Variants in CHSY3 observed in about 807,000 individuals in gnomAD.
CHSY3 encodes the protein N-acetylgalactosaminyl-proteoglycan 3-beta-glucuronosyltransferase 3.
Under a neutral mutation model 67.2 loss-of-function variants are expected in CHSY3, and 35 were observed. The ratio of observed to expected loss-of-function variants is 0.52; its 90% CI spans 0.40 to 0.69. The LOEUF is 0.69. Among genes scored for constraint, CHSY3 ranks in the 30% least tolerant of loss-of-function variants. The probability of loss-of-function intolerance (pLI) is 0.00; values close to 1 mark genes in which losing one functional copy is unlikely to be tolerated. For missense variants in CHSY3, 1,069 were observed against 1,138.5 expected, an observed-to-expected ratio of 0.94 and a Z score of 0.88; for synonymous variants, 474 against 434.7, an observed-to-expected ratio of 1.09 and a Z score of -1.12.
Position 130,126,679 on chromosome 5 carries a change from C to G in CHSY3, c.1087-57550C>G, listed in dbSNP as rs141657507. Among the ~76,000 whole-genome samples the G allele has an allele frequency of 5.9e-5, 9 of 152,312 alleles. No individual in the cohort carries two copies. The East Asian group carries it at 1.7e-3, about 29-fold the overall frequency. The stretch of plus-strand genomic sequence containing the variant: ...TATGTTTTTCTCTAGTAGACTAAAT[C>G]TTGAATGGTCGAATCATTCTCATTT... On this transcript the variant is annotated intron_variant, in intron 2 of 2. Transcript: ENST00000305031.
At chr5:129,925,885 G>A (rs1022190724) in intron 2 of CHSY3, among the ~76,000 whole-genome samples, 2 of 112,566 alleles carry the variant, frequency 1.8e-5, no homozygotes, top group South Asian at 2.9e-4. Flanking sequence ...TAATGTGTGT[G>A]TATATATGTG....
At chr5:130,047,938 A>G (rs1251713649) in intron 2 of CHSY3, among the ~76,000 whole-genome samples, 1 of 147,578 alleles carries the variant, frequency 6.8e-6, no homozygotes, top group Non-Finnish European at 1.5e-5. Context: ...TCTTAGGAGT[A>G]TCAACCTTTT....
At chr5:130,057,291 T>A (rs957552258) in intron 2 of CHSY3, among the ~76,000 whole-genome samples, 4 of 152,160 alleles carry the variant, frequency 2.6e-5, no homozygotes, top group African/African-American at 9.6e-5. Flanking sequence ...TATTGGACTA[T>A]ATAAAGTGAA....
intron 2 of CHSY3, among the ~76,000 whole-genome samples, chr5:130,014,530 G>A (rs981609236): frequency 6.6e-6 from 1 of 152,136 alleles, no homozygotes; most frequent in African/African-American, 2.4e-5. Context: ...ATAACCATCA[G>A]ATCTTGTGAG....
At chr5:130,059,274 C>T (rs563512530) in intron 2 of CHSY3, among the ~76,000 whole-genome samples, 1 of 152,092 alleles carries the variant, frequency 6.6e-6, no homozygotes, top group Non-Finnish European at 1.5e-5. Context: ...AGGACTGCAA[C>T]ATCAACTTTT....
At chr5:129,993,744 C>T (rs1330547270) in intron 2 of CHSY3, among the ~76,000 whole-genome samples, 1 of 151,954 alleles carries the variant, frequency 6.6e-6, no homozygotes, top group Non-Finnish European at 1.5e-5. Flanking sequence ...TGAATTTGAT[C>T]CTGTCATTAT....
At chr5:130,051,038 T>TATTTGATA (rs773020920) in intron 2 of CHSY3, among the ~76,000 whole-genome samples, 2 of 152,162 alleles carry the variant, frequency 1.3e-5, no homozygotes, top group Non-Finnish European at 2.9e-5. Context: ...TTAAAAGCTA[T>TATTTGATA]AAAGTATTAT....
intron 2 of CHSY3, among the ~76,000 whole-genome samples, chr5:130,125,528 A>G (rs546688820): frequency 4.6e-5 from 7 of 152,212 alleles, no homozygotes; most frequent in Non-Finnish European, 1.0e-4. Context: ...TCACTGGAGA[A>G]CAAGAGTAAG....
At chr5:130,150,575 C>T (rs1375604086) in intron 2 of CHSY3, among the ~76,000 whole-genome samples, 3 of 152,010 alleles carry the variant, frequency 2.0e-5, no homozygotes, top group African/African-American at 7.3e-5. Flanking sequence ...TGAATATATA[C>T]TATTGATAAA....
intron 2 of CHSY3, among the ~76,000 whole-genome samples, chr5:129,978,128 A>C (rs1030207125): frequency 6.6e-6 from 1 of 152,142 alleles, no homozygotes; most frequent in African/African-American, 2.4e-5. Flanking sequence ...ATGTTAACAT[A>C]ATTTATTTTT....
chr5:129,981,050 CAAAAAA>C (rs71000945), intron 2 of CHSY3, among the ~76,000 whole-genome samples: 48 of 130,918 alleles, frequency 3.7e-4, no homozygotes, highest in South Asian at 1.0e-3. Flanking sequence ...ACTGAAAATA[CAAAAAA>C]AAAAAAAAAA....
chr5:129,937,420 G>A (rs1486398986), intron 2 of CHSY3, among the ~76,000 whole-genome samples: 2 of 152,032 alleles, frequency 1.3e-5, no homozygotes, highest in African/African-American at 4.8e-5. Context: ...TCCAACACTG[G>A]AAATTACAAT....
chr5:130,124,023 G>C (rs1297854562), intron 2 of CHSY3, among the ~76,000 whole-genome samples: 2 of 100,280 alleles, frequency 2.0e-5, no homozygotes, highest in African/African-American at 4.1e-5. Flanking sequence ...CTGGGTGACA[G>C]AGCAAGACTC....
chr5:130,104,961 T>C (rs1028637615), intron 2 of CHSY3, among the ~76,000 whole-genome samples: 4 of 151,760 alleles, frequency 2.6e-5, no homozygotes, highest in Admixed American at 6.6e-5. Flanking sequence ...TGACCTTATA[T>C]GCTTGGAGAC....
intron 2 of CHSY3, among the ~76,000 whole-genome samples, chr5:129,921,364 A>T (rs191005599): frequency 4.6e-5 from 7 of 152,360 alleles, no homozygotes; most frequent in Admixed American, 2.0e-4. Context: ...AGTGACCACC[A>T]GGCAGGTAGC....
At chr5:130,153,690 C>A (rs1212786369) in intron 2 of CHSY3, among the ~76,000 whole-genome samples, 1 of 152,158 alleles carries the variant, frequency 6.6e-6, no homozygotes, top group African/African-American at 2.4e-5. Flanking sequence ...GTGGAGCCCC[C>A]ATTGTGAGCA....
At chr5:129,910,094 A>AT (rs1760482086) in intron 2 of CHSY3, among the ~76,000 whole-genome samples, 1 of 152,136 alleles carries the variant, frequency 6.6e-6, no homozygotes, top group African/African-American at 2.4e-5. Flanking sequence ...TATTTTATTT[A>AT]TAATATAGGC....
intron 2 of CHSY3, among the ~76,000 whole-genome samples, chr5:130,094,861 C>T (rs1021092786): frequency 6.6e-6 from 1 of 151,982 alleles, no homozygotes; most frequent in Admixed American, 6.6e-5. Context: ...ATAAAAGGAA[C>T]TGTATATATG....
At chr5:130,159,778 G>A (rs1459155024) in intron 2 of CHSY3, among the ~76,000 whole-genome samples, 1 of 152,088 alleles carries the variant, frequency 6.6e-6, no homozygotes, top group East Asian at 1.9e-4. Flanking sequence ...TAATTTAAAG[G>A]GCAAGAGCAA....
Sources: gnomAD v4.1 joint callset for allele counts (sites outside exome capture counted in the v4.1 genomes callset) on GRCh38, gnomAD v4.1.1 for gene constraint, MANE v1.5 for transcripts, NCBI Gene and HGNC (gene_info 2026-07-23, HGNC 2026-07-21) for gene names.